Variants in KMT2A observed in about 807,000 individuals in gnomAD.
KMT2A encodes the protein lysine methyltransferase 2A, also known as histone-lysine N-methyltransferase 2A.
Under a neutral mutation model 345.3 loss-of-function variants are expected in KMT2A, and 16 were observed. That is an observed-to-expected ratio of 0.05 (90% CI 0.03 to 0.07). KMT2A has a LOEUF of 0.07. KMT2A is among the 10% of genes least tolerant of loss of function. The pLI is 1.00. For synonymous variants in KMT2A, 1,599 were observed against 1,778.6 expected (o/e 0.90, Z 2.54); for missense variants, 3,272 against 4,841.6 (o/e 0.68, Z 9.62).
Position 118,520,038 on chromosome 11 carries a change from G to A in KMT2A, c.11403G>A (p.Glu3801=). Residue 3801 remains glutamate (E), a synonymous_variant, in exon 33 of 36, where the codon GAG becomes GAA. Coordinates refer to ENST00000534358, the MANE Select transcript of KMT2A (RefSeq NM_001197104.2). This position sits in a 1 kb window ranked among gnomAD's most constrained non-coding sequence, Gnocchi z 4.3. ...AATACAACCCCAATGATGAAGAAGAGGAGGAGGTACAGCTGAAGTCAGCTC... is the reference window on the plus strand; with the variant it reads ...AATACAACCCCAATGATGAAGAAGAAGAGGAGGTACAGCTGAAGTCAGCTC... ...PPEYNPNDEE[E]EEVQLKSARR... is the part of the protein sequence containing the mutation. 1.2e-6 allele frequency: 2 copies of A among 1,613,988 alleles called. No homozygotes were observed. The highest frequency in any genetic ancestry group is 1.6e-4 in the Middle Eastern group (1 of 6,062).
intron 3 of KMT2A, among the ~76,000 whole-genome samples, chr11:118,475,263 T>C (rs192652720): frequency 6.6e-6 from 1 of 151,460 alleles, no homozygotes; most frequent in African/African-American, 2.4e-5. Flanking sequence ...GCATTTTTGT[T>C]TTTTTTTTAT....
chr11:118,483,465 G>A (rs1950176693), intron 8 of KMT2A, among the ~76,000 whole-genome samples: 1 of 152,072 alleles, frequency 6.6e-6, no homozygotes, highest in Non-Finnish European at 1.5e-5. Context: ...CCCGGGGGGC[G>A]GAGCCTGCAG....
rs1555049804 is a variant in KMT2A, at chr11:118,510,497, C to T, written c.11071+379C>T. On this transcript the variant is annotated intron_variant, in intron 30 of 35. Coordinates refer to ENST00000534358, the MANE Select transcript of KMT2A (RefSeq NM_001197104.2). The surrounding 1 kb of genome is among the most constrained non-coding windows in gnomAD (Gnocchi z 4.1). ...GAGTTCTCTCCCTGCCCTCAATCACCTGGTGAGCTCCAGCTCACCCTTCAA... is the reference window on the plus strand; with the variant it reads ...GAGTTCTCTCCCTGCCCTCAATCACTTGGTGAGCTCCAGCTCACCCTTCAA... Among the ~76,000 whole-genome samples the T allele has an allele frequency of 6.6e-6, 1 of 152,100 alleles. No homozygotes were observed. Among genetic ancestry groups the T allele is most frequent in the Non-Finnish European group, 1.5e-5 (1 of 68,020 alleles).
At chr11:118,474,393 T>A in intron 3 of KMT2A, 78 bp downstream of exon 3, 1 of 1,497,680 alleles carries the variant, frequency 6.7e-7, no homozygotes, top group East Asian at 2.3e-5. Flanking sequence ...GCTAAGTGGT[T>A]CAATTACATC....
intron 1 of KMT2A, among the ~76,000 whole-genome samples, chr11:118,460,747 G>A (rs140049161): frequency 2.2e-4 from 33 of 152,174 alleles, no homozygotes; most frequent in African/African-American, 7.7e-4. Context: ...GGGGACCACA[G>A]CCTTGAACTC....
rs782591672 is a variant in KMT2A at position 118,509,099 on chromosome 11, T to C, written c.10836-37T>C. 7 of 1,579,160 alleles carry C rather than the reference T, an allele frequency of 4.4e-6. No individual in the cohort carries two copies. In the South Asian group the frequency reaches 7.8e-5, roughly 18 times the overall value. On this transcript the variant is annotated intron_variant, in intron 28 of 35. Coordinates refer to ENST00000534358, the MANE Select transcript of KMT2A (RefSeq NM_001197104.2). ...GGGTTTTTTCTTTGAATTGAAGAAC[T>C]AGCTGATATTATATCTTACATTTGG...
intron 1 of KMT2A, among the ~76,000 whole-genome samples, chr11:118,445,625 G>A (rs1212054568): frequency 3.3e-5 from 5 of 152,226 alleles, no homozygotes; most frequent in African/African-American, 7.2e-5. Context: ...TGCAATTTCT[G>A]GGGGTTGGAA....
At chr11:118,506,718 G>A (rs1950590835) in intron 27 of KMT2A, 72 bp downstream of exon 27, 25 of 1,440,726 alleles carry the variant, frequency 1.7e-5, no homozygotes, top group South Asian at 1.6e-4. Flanking sequence ...TGTTGATGTG[G>A]TAGTCCGGGA....
chr11:118,490,349 TA>T lies in KMT2A; in HGVS notation c.4696+101del. The T allele has an allele frequency of 8.1e-7, 1 of 1,240,110 alleles. No individual in the cohort carries two copies. The highest frequency in any genetic ancestry group is 1.1e-6 in the Non-Finnish European group (1 of 922,084). The allele number at this position is 1,240,110 out of a possible 1,614,324, so 76.8% of individuals were successfully genotyped here. ...AAATGAAATAAAAAGTCTCACACAT[TA>T]TGTCAAGGATACCATTTAGACACAT... On this transcript the variant is annotated intron_variant, in intron 13 of 35. Transcript: ENST00000534358. This position sits in a 1 kb window ranked among gnomAD's most constrained non-coding sequence, Gnocchi z 4.2.
chr11:118,458,652 C>T (rs1555031622), intron 1 of KMT2A, among the ~76,000 whole-genome samples: 2 of 152,146 alleles, frequency 1.3e-5, no homozygotes, highest in Admixed American at 1.3e-4. Flanking sequence ...TTTTAAAATT[C>T]CTTCTGCTAA....
chr11:118,461,790 T>C (rs573088930), intron 1 of KMT2A, among the ~76,000 whole-genome samples: 2 of 152,320 alleles, frequency 1.3e-5, no homozygotes, highest in African/African-American at 4.8e-5. Context: ...ACTGTAGTCT[T>C]TTGATTTCTA....
intron 1 of KMT2A, among the ~76,000 whole-genome samples, chr11:118,447,461 A>G (rs1304556886): frequency 6.6e-6 from 1 of 152,260 alleles, no homozygotes; most frequent in South Asian, 2.1e-4. Flanking sequence ...TAATTTAAGT[A>G]TGGCAAAGGA....
Position 118,491,682 on chromosome 11 carries a change from C to T in KMT2A, c.4820-62C>T, listed in dbSNP as rs1185395681. The T allele has an allele frequency of 4.1e-5, 53 of 1,291,566 alleles. No homozygotes were observed. The highest frequency in any genetic ancestry group is 5.5e-5 in the Non-Finnish European group (51 of 930,224). The allele number at this position is 1,291,566 out of a possible 1,614,324, so 80.0% of individuals were successfully genotyped here. A position where few individuals can be genotyped will look rare whatever the true frequency, so the allele number is the denominator to read the frequency against. On this transcript the variant is annotated intron_variant, in intron 14 of 35. Coordinates refer to ENST00000534358, the MANE Select transcript of KMT2A (RefSeq NM_001197104.2). The surrounding 1 kb of genome is among the most constrained non-coding windows in gnomAD (Gnocchi z 4.2). Reference sequence around the variant, plus strand: ...TATAGTAAGTTCAGTGGAATAGTTTCCTCTTCTTCCTCTCTCTCATTCTTC... The same window carrying T: ...TATAGTAAGTTCAGTGGAATAGTTTTCTCTTCTTCCTCTCTCTCATTCTTC...
intron 1 of KMT2A, among the ~76,000 whole-genome samples, chr11:118,456,527 A>T (rs1565267977): frequency 6.6e-6 from 1 of 151,736 alleles, no homozygotes; most frequent in Non-Finnish European, 1.5e-5. Flanking sequence ...TTTAGTAGAG[A>T]TGGGGTTTCA....
At chr11:118,463,550 C>T (rs1949786435) in intron 1 of KMT2A, among the ~76,000 whole-genome samples, 1 of 152,104 alleles carries the variant, frequency 6.6e-6, no homozygotes. Flanking sequence ...AAAAGAATAG[C>T]AATTTTTGTA....
In KMT2A at chr11:118,472,365, G is replaced by A. The variant is rs2134260677; in HGVS notation, c.1206G>A (p.Gln402=). Residue 402 remains glutamine (Q), a synonymous_variant, in exon 3 of 36, where the codon CAG becomes CAA. Coordinates refer to ENST00000534358, the MANE Select transcript of KMT2A (RefSeq NM_001197104.2). ...AQLQGRKVKT[Q]VKNIRQFIMP... The stretch of plus-strand genomic sequence containing the variant: ...TGCAGGGAAGAAAGGTGAAGACACA[G>A]GTCAAAAATATTCGACAGTTCATCA... The A allele has an allele frequency of 6.2e-7, 1 of 1,614,000 alleles. No homozygotes were observed. The highest frequency in any genetic ancestry group is 8.5e-7 in the Non-Finnish European group (1 of 1,180,010).
At position 118,496,180 on chromosome 11, in the gene KMT2A, C is replaced by A. The variant is rs1311782012; in HGVS notation, c.5558-81C>A. On this transcript the variant is annotated intron_variant, in intron 19 of 35. Coordinates refer to ENST00000534358, the MANE Select transcript of KMT2A (RefSeq NM_001197104.2). The surrounding 1 kb of genome is among the most constrained non-coding windows in gnomAD (Gnocchi z 4.7). Reference sequence around the variant, plus strand: ...GTGGGCTATGTAAGCTGAATTATTTCTTTTTTCCTTGAAATCAGACATAGT... The same window carrying A: ...GTGGGCTATGTAAGCTGAATTATTTATTTTTTCCTTGAAATCAGACATAGT... The A allele has an allele frequency of 6.5e-6, 7 of 1,073,526 alleles. No individual in the cohort carries two copies. Among genetic ancestry groups the A allele is most frequent in the Non-Finnish European group, 1.0e-5 (7 of 696,702 alleles). The allele number at this position is 1,073,526 out of a possible 1,614,324, so 66.5% of individuals were successfully genotyped here.
At chr11:118,444,821 T>C (rs1476676861) in intron 1 of KMT2A, among the ~76,000 whole-genome samples, 1 of 152,164 alleles carries the variant, frequency 6.6e-6, no homozygotes, top group Admixed American at 6.5e-5. Flanking sequence ...GTGGTCCCCC[T>C]ACCTCAGCCT....
intron 1 of KMT2A, among the ~76,000 whole-genome samples, chr11:118,467,757 T>C (rs1949872437): frequency 3.3e-5 from 5 of 152,170 alleles, no homozygotes; most frequent in Admixed American, 3.3e-4. Context: ...GAGAGGAAAA[T>C]GTTAATGCTT....
Sources: gnomAD v4.1 joint callset for allele counts (sites outside exome capture counted in the v4.1 genomes callset) on GRCh38, gnomAD v4.1.1 for gene constraint, Gnocchi (gnomAD v3.1) non-coding constraint, MANE v1.5 for transcripts, NCBI Gene and HGNC (gene_info 2026-07-23, HGNC 2026-07-21) for gene names.